The following TM2D1 variants were observed in gnomAD, a reference collection of about 807,000 sequenced individuals.
The protein encoded by TM2D1 is TM2 domain-containing protein 1.
A neutral mutation model predicts 28.4 loss-of-function variants in TM2D1; 15 were observed. That is an observed-to-expected ratio of 0.53 (90% CI 0.35 to 0.81). TM2D1 has a LOEUF of 0.81. TM2D1 is among the 40% of genes least tolerant of loss of function. TM2D1 has a pLI of 0.01. For missense variants in TM2D1, 236 were observed against 254.9 expected, an observed-to-expected ratio of 0.93 and a Z score of 0.50; for synonymous variants, 93 against 96.2, an observed-to-expected ratio of 0.97 and a Z score of 0.20.
chr1:61,709,506 G>C, intron 2 of TM2D1, 69 bp from the exon 3 acceptor site: 5 of 1,104,188 alleles, frequency 4.5e-6, no homozygotes, highest in Non-Finnish European at 6.8e-6. Context: ...ATTGTTCTAA[G>C]ACTAGCAAAT....
At chr1:61,684,113 G>C (rs914086827) in intron 5 of TM2D1, among the ~76,000 whole-genome samples, 1 of 152,134 alleles carries the variant, frequency 6.6e-6, no homozygotes, top group African/African-American at 2.4e-5. Flanking sequence ...AATGGAAAAG[G>C]AAGAGGTAGA....
chr1:61,715,645 C>CAAAAAAAAAAAAAAAAAAAAAAAA (rs759796747), intron 2 of TM2D1, among the ~76,000 whole-genome samples: 1 of 16,424 alleles, frequency 6.1e-5, no homozygotes, highest in Non-Finnish European at 1.3e-4. Context: ...AAGACTGTCT[C>CAAAAAAAAAAAAAAAAAAAAAAAA]AAAAAAAAAA....
At chr1:61,685,156 T>C (rs1224791467) in intron 5 of TM2D1, among the ~76,000 whole-genome samples, 1 of 152,270 alleles carries the variant, frequency 6.6e-6, no homozygotes, top group Admixed American at 6.5e-5. Flanking sequence ...TAAAATTCTG[T>C]AGAAGAGGAA....
intron 2 of TM2D1, among the ~76,000 whole-genome samples, chr1:61,713,132 T>C (rs973935722): frequency 1.3e-5 from 2 of 148,158 alleles, no homozygotes; most frequent in African/African-American, 5.0e-5. Context: ...ATTGCGCCAC[T>C]GCACTTCAGC....
In TM2D1 at chr1:61,715,255, G is replaced by T. The variant is rs572958061; in HGVS notation, c.239-5818C>A. 2.6e-5 allele frequency among the ~76,000 whole-genome samples: 4 copies of T among 152,202 alleles called. No homozygotes were observed. The South Asian group carries it at 8.3e-4, about 32-fold the overall frequency. ...AGGACTTTAGAACTAGACAGATTTGGATTTAAGTCCTGTCACTTAACTAGC... is the reference window on the plus strand; with the variant it reads ...AGGACTTTAGAACTAGACAGATTTGTATTTAAGTCCTGTCACTTAACTAGC... On this transcript the variant is annotated intron_variant, in intron 2 of 6. Transcript: ENST00000606498.
In TM2D1 at chr1:61,701,310, CAAAAAA is replaced by C. The variant is rs10587870; in HGVS notation, c.348-291_348-286del. 7.4e-4 allele frequency among the ~76,000 whole-genome samples: 62 copies of C among 84,078 alleles called. No homozygotes were observed. The South Asian group carries it at 0.013, about 17-fold the overall frequency. The allele number at this position is 84,078 out of a possible 152,430, so 55.2% of individuals were successfully genotyped here. On this transcript the variant is annotated intron_variant, in intron 3 of 6. Coordinates refer to ENST00000606498, the MANE Select transcript of TM2D1 (RefSeq NM_032027.3). ...TATGTTAGAAAGTCATAAATGTTAA[CAAAAAA>C]AAAAAAAAAAAAAAAAAAAGAAGTA...
At chr1:61,684,016 T>C (rs542004212) in intron 5 of TM2D1, among the ~76,000 whole-genome samples, 2 of 152,248 alleles carry the variant, frequency 1.3e-5, no homozygotes, top group South Asian at 4.1e-4. Flanking sequence ...ACTATATCCA[T>C]GGGAATAGAT....
intron 1 of TM2D1, 172 bp downstream of exon 1, chr1:61,724,785 C>A (rs892854265): frequency 3.0e-6 from 2 of 661,102 alleles, no homozygotes; most frequent in Admixed American, 7.4e-5. Context: ...GGCCTCTGGC[C>A]CTCCCATCTC....
At position 61,713,941 on chromosome 1, in the gene TM2D1, T is replaced by C. The variant is rs1014762271; in HGVS notation, c.239-4504A>G. ...TCTCGCTCTGTCGCCCAGGCCGGAC[T>C]GCGGACTGCAGTGGCGCAATCTCGG... On this transcript the variant is annotated intron_variant, in intron 2 of 6. Coordinates refer to ENST00000606498, the MANE Select transcript of TM2D1 (RefSeq NM_032027.3). Among the ~76,000 whole-genome samples, 54 of 141,928 alleles carry C rather than the reference T, an allele frequency of 3.8e-4. 1 individual carries two copies. Among genetic ancestry groups the C allele is most frequent in the African/African-American group, 1.3e-3 (50 of 38,376 alleles). 93.1% of individuals were successfully genotyped at this position (141,928 alleles called of 152,430 possible). A position where few individuals can be genotyped will look rare whatever the true frequency, so the allele number is the denominator to read the frequency against.
intron 5 of TM2D1, among the ~76,000 whole-genome samples, chr1:61,684,776 T>C (rs182284662): frequency 6.6e-6 from 1 of 152,154 alleles, no homozygotes; most frequent in East Asian, 1.9e-4. Flanking sequence ...TCTCTTTCAT[T>C]TGTTTGTTTG....
intron 5 of TM2D1, among the ~76,000 whole-genome samples, chr1:61,691,307 C>A (rs1329262014): frequency 1.3e-5 from 2 of 151,768 alleles, no homozygotes; most frequent in African/African-American, 4.8e-5. Flanking sequence ...ACCAGCCTGA[C>A]CAAATTGGTG....
rs1570090107 is a variant in TM2D1 at position 61,683,439 on chromosome 1, T to C, written c.621A>G (p.Pro207=). 7 of 1,288,402 alleles carry C rather than the reference T, an allele frequency of 5.4e-6. No homozygotes were observed. Among genetic ancestry groups the C allele is most frequent in the Middle Eastern group, 2.4e-4 (1 of 4,242 alleles). 79.8% of individuals were successfully genotyped at this position (1,288,402 alleles called of 1,614,324 possible). The change falls in exon 6 of 7, where the codon CCA becomes CCG. Residue 207 remains proline (P), a synonymous_variant. Coordinates refer to ENST00000606498, the MANE Select transcript of TM2D1 (RefSeq NM_032027.3). ...NETFRKTQLY[P] is the part of the protein sequence containing the mutation. ...TACTGTTTCTTTTAAAAAATATTTATGGATATAATTGCGTTTTTCTAAATG... is the reference window on the plus strand; with the variant it reads ...TACTGTTTCTTTTAAAAAATATTTACGGATATAATTGCGTTTTTCTAAATG...
chr1:61,700,922 A>G lies in TM2D1; in HGVS notation c.439+12T>C. 6.3e-7 allele frequency: 1 copy of G among 1,590,242 alleles called. No individual in the cohort carries two copies. On this transcript the variant is annotated intron_variant, in intron 4 of 6. Transcript: ENST00000606498. The stretch of plus-strand genomic sequence containing the variant: ...GTTTCATAAGGATTTTTTTTTAATG[A>G]AACATACGCACCCAAAGCAGGGTAT...
At chr1:61,723,221 A>G (rs538048336) in intron 2 of TM2D1, among the ~76,000 whole-genome samples, 1 of 152,354 alleles carries the variant, frequency 6.6e-6, no homozygotes, top group South Asian at 2.1e-4. Context: ...AATCAAAGTA[A>G]TAGAAATGAC....
chr1:61,697,304 C>A (rs901877139), intron 4 of TM2D1, among the ~76,000 whole-genome samples: 6 of 151,562 alleles, frequency 4.0e-5, no homozygotes, highest in African/African-American at 1.5e-4. Context: ...CCAGGAGTTT[C>A]TTTCTTTTCT....
chr1:61,701,124 CAGTT>C, intron 3 of TM2D1, 99 bp from the exon 4 acceptor site: 1 of 894,548 alleles, frequency 1.1e-6, no homozygotes, highest in Non-Finnish European at 1.7e-6. Context: ...TTCTTTCACT[CAGTT>C]AATGTTTTTT....
At chr1:61,707,579 G>GA (rs953266028) in intron 3 of TM2D1, among the ~76,000 whole-genome samples, 18 of 150,056 alleles carry the variant, frequency 1.2e-4, no homozygotes, top group South Asian at 2.1e-4. Flanking sequence ...CCCTGTAATG[G>GA]AAAAAAAAAG....
intron 5 of TM2D1, among the ~76,000 whole-genome samples, chr1:61,692,482 A>G (rs1051679023): frequency 2.8e-5 from 4 of 142,744 alleles, no homozygotes; most frequent in African/African-American, 1.2e-4. Context: ...AGAAGAGAGA[A>G]AGAAAGAAAG....
chr1:61,723,911 G>A, intron 1 of TM2D1, 125 bp from the exon 2 acceptor site: 1 of 483,882 alleles, frequency 2.1e-6, no homozygotes, highest in Non-Finnish European at 3.7e-6. Context: ...GTTTGTCCAA[G>A]TCAATAAGCA....
Sources: allele counts gnomAD v4.1 joint callset (sites outside exome capture counted in the v4.1 genomes callset), GRCh38; gene constraint gnomAD v4.1.1; transcripts MANE v1.5; gene names NCBI Gene and HGNC (gene_info 2026-07-23, HGNC 2026-07-21).